The following HSD17B13 variants were observed in gnomAD, a reference collection of about 807,000 sequenced individuals.
The protein encoded by HSD17B13 is hydroxysteroid 17-beta dehydrogenase 13.
HSD17B13 carries 26 observed loss-of-function variants against 31.1 expected under a neutral mutation model. That is an observed-to-expected ratio of 0.84 (90% CI 0.61 to 1.16). The LOEUF (loss-of-function observed/expected upper bound fraction) is 1.16. HSD17B13 is among the 50% of genes most tolerant of loss of function. The pLI is 0.00. For missense variants in HSD17B13, 374 were observed against 366.5 expected, an observed-to-expected ratio of 1.02 and a Z score of -0.17; for synonymous variants, 141 against 133.7, an observed-to-expected ratio of 1.05 and a Z score of -0.38.
At chr4:87,320,578 G>A (rs1290694847) in intron 1 of HSD17B13, among the ~76,000 whole-genome samples, 1 of 151,826 alleles carries the variant, frequency 6.6e-6, no homozygotes. Context: ...TAGTAGAGAC[G>A]GGGTTTCACT....
chr4:87,317,648 A>C (rs573817340), intron 2 of HSD17B13, among the ~76,000 whole-genome samples: 3 of 117,506 alleles, frequency 2.6e-5, no homozygotes, highest in African/African-American at 1.0e-4. Context: ...GTCTCATGTG[A>C]TCCTTCCACC....
At position 87,305,194 on chromosome 4, in the gene HSD17B13, C is replaced by T. The variant is rs374740730; in HGVS notation, c.*24G>A. The T allele has an allele frequency of 2.3e-5, 34 of 1,447,738 alleles. No individual in the cohort carries two copies. Among genetic ancestry groups the T allele is most frequent in the Non-Finnish European group, 2.8e-5 (29 of 1,041,040 alleles). The allele number at this position is 1,447,738 out of a possible 1,614,324, so 89.7% of individuals were successfully genotyped here. On this transcript the variant is annotated 3_prime_UTR_variant, in exon 7 of 7. Transcript: ENST00000328546. ...ACTATTCATATCATTATCATGCATA[C>T]ATCTCTGGCTGGAGCTTATTTATTC...
chr4:87,318,523 G>A (rs1213789039), intron 1 of HSD17B13, 87 bp from the exon 2 acceptor site: 8 of 1,077,604 alleles, frequency 7.4e-6, no homozygotes, highest in Non-Finnish European at 1.1e-5. Context: ...CATTCGGCTA[G>A]GCGCGGTGGC....
chr4:87,304,290 A>C lies in HSD17B13; in HGVS notation c.*928T>G, dbSNP rs7685519. ...TACCACTGCACTCCAGCCTGGGCGA[A>C]AGAGTGAGACTCCATCTCAAAAAAA... On this transcript the variant is annotated 3_prime_UTR_variant, in exon 7 of 7. Coordinates refer to ENST00000328546, the MANE Select transcript of HSD17B13 (RefSeq NM_178135.5). 0.85 allele frequency: 130,667 copies of C among 152,958 alleles called. 56,260 individuals are homozygous for C. The highest frequency in any genetic ancestry group is 0.96 in the African/African-American group (39,778 of 41,492). The allele number at this position is 152,958 out of a possible 1,614,324, so 9.5% of individuals were successfully genotyped here. A position where few individuals can be genotyped will look rare whatever the true frequency, so the allele number is the denominator to read the frequency against.
intron 1 of HSD17B13, among the ~76,000 whole-genome samples, chr4:87,320,363 A>C (rs889513868): frequency 1.3e-5 from 2 of 151,534 alleles, no homozygotes; most frequent in Admixed American, 1.3e-4. Context: ...GTTTTGATTG[A>C]AGAATTAATT....
rs1734323718 is a variant in HSD17B13, at chr4:87,303,947, T to C, written c.*1271A>G. On this transcript the variant is annotated 3_prime_UTR_variant, in exon 7 of 7. Coordinates refer to ENST00000328546, the MANE Select transcript of HSD17B13 (RefSeq NM_178135.5). ...GGATAGTCCATGCAAAAGCATTCTA[T>C]AATACATGTGAAAAACACACAAAAC... is the stretch of plus-strand genomic sequence containing the variant. 6.6e-6 allele frequency: 1 copy of C among 151,962 alleles called. No individual in the cohort carries two copies. The highest frequency in any genetic ancestry group is 2.4e-5 in the African/African-American group (1 of 41,320). The allele number at this position is 151,962 out of a possible 1,614,324, so 9.4% of individuals were successfully genotyped here. A position where few individuals can be genotyped will look rare whatever the true frequency, so the allele number is the denominator to read the frequency against.
chr4:87,319,882 A>G (rs1560751184), intron 1 of HSD17B13, among the ~76,000 whole-genome samples: 2 of 152,272 alleles, frequency 1.3e-5, no homozygotes. Context: ...CATTCTGGAA[A>G]ATTATAATTC....
At chr4:87,310,506 C>A in intron 5 of HSD17B13, 147 bp from the exon 6 acceptor site, 1 of 925,752 alleles carries the variant, frequency 1.1e-6, no homozygotes, top group Non-Finnish European at 1.4e-6. Context: ...TAATGCCACC[C>A]TACCCACTTC....
intron 6 of HSD17B13, among the ~76,000 whole-genome samples, chr4:87,309,015 A>T (rs1734463470): frequency 6.6e-6 from 1 of 151,868 alleles, no homozygotes; most frequent in Admixed American, 6.6e-5. Flanking sequence ...AAATTACAAA[A>T]ATCCAATATA....
intron 6 of HSD17B13, among the ~76,000 whole-genome samples, chr4:87,308,184 T>C (rs1734434745): frequency 1.3e-5 from 2 of 152,218 alleles, no homozygotes; most frequent in African/African-American, 4.8e-5. Context: ...TACATTATTT[T>C]ATTCTTATGT....
chr4:87,305,176 A>C lies in HSD17B13; in HGVS notation c.*42T>G, dbSNP rs773478845. The C allele has an allele frequency of 8.0e-7, 1 of 1,243,970 alleles. No homozygotes were observed. The highest frequency in any genetic ancestry group is 1.2e-6 in the Non-Finnish European group (1 of 868,476). 77.1% of individuals were successfully genotyped at this position (1,243,970 alleles called of 1,614,324 possible). A position where few individuals can be genotyped will look rare whatever the true frequency, so the allele number is the denominator to read the frequency against. On this transcript the variant is annotated 3_prime_UTR_variant, in exon 7 of 7. Transcript: ENST00000328546. ...TTGCAGCATTGATTCGAAACTATTC[A>C]TATCATTATCATGCATACATCTCTG...
chr4:87,322,144 A>G (rs1490983283), intron 1 of HSD17B13, among the ~76,000 whole-genome samples: 1 of 152,214 alleles, frequency 6.6e-6, no homozygotes, highest in East Asian at 1.9e-4. Context: ...TACTTATTTA[A>G]TCCTTTTGAC....
At chr4:87,308,514 A>T (rs1419618298) in intron 6 of HSD17B13, among the ~76,000 whole-genome samples, 44 of 117,650 alleles carry the variant, frequency 3.7e-4, no homozygotes, top group African/African-American at 1.6e-3. Context: ...AAAAAAAAAA[A>T]AAAAAAAAAA....
At chr4:87,312,807 C>A (rs2110100378) in intron 5 of HSD17B13, among the ~76,000 whole-genome samples, 1 of 151,896 alleles carries the variant, frequency 6.6e-6, no homozygotes, top group South Asian at 2.1e-4. Context: ...CTCCTGTAAT[C>A]CCAGCATTTT....
chr4:87,319,614 C>G (rs1330174218), intron 1 of HSD17B13, among the ~76,000 whole-genome samples: 1 of 152,132 alleles, frequency 6.6e-6, no homozygotes, highest in East Asian at 1.9e-4. Context: ...TCTGACTCAT[C>G]CTCCTAGGAG....
At chr4:87,306,115 T>C (rs988729052) in intron 6 of HSD17B13, among the ~76,000 whole-genome samples, 1 of 152,206 alleles carries the variant, frequency 6.6e-6, no homozygotes, top group African/African-American at 2.4e-5. Flanking sequence ...AGGTCATCTT[T>C]GGTCATTTTA....
chr4:87,303,911 T>G lies in HSD17B13; in HGVS notation c.*1307A>C, dbSNP rs1214112968. 1 of 151,786 alleles carries G rather than the reference T, an allele frequency of 6.6e-6. No individual in the cohort carries two copies. Among genetic ancestry groups the G allele is most frequent in the Non-Finnish European group, 1.5e-5 (1 of 67,978 alleles). The allele number at this position is 151,786 out of a possible 1,614,324, so 9.4% of individuals were successfully genotyped here. Reference sequence around the variant, plus strand: ...TTTTAAAAAAATCATTTGTTTTTAATAAAAACAAGAGGATAGTCCATGCAA... The same window carrying G: ...TTTTAAAAAAATCATTTGTTTTTAAGAAAAACAAGAGGATAGTCCATGCAA... On this transcript the variant is annotated 3_prime_UTR_variant, in exon 7 of 7. Coordinates refer to ENST00000328546, the MANE Select transcript of HSD17B13 (RefSeq NM_178135.5).
At chr4:87,307,138 C>T (rs1342200940) in intron 6 of HSD17B13, among the ~76,000 whole-genome samples, 2 of 151,840 alleles carry the variant, frequency 1.3e-5, no homozygotes, top group Non-Finnish European at 2.9e-5. Context: ...TCATGTGGGC[C>T]TTTTAACTAC....
chr4:87,305,156 G>T lies in HSD17B13; in HGVS notation c.*62C>A. ...AAAAAATGTGAAATAAAGCTTTGCA[G>T]CATTGATTCGAAACTATTCATATCA... is the stretch of plus-strand genomic sequence containing the variant. On this transcript the variant is annotated 3_prime_UTR_variant, in exon 7 of 7. Coordinates refer to ENST00000328546, the MANE Select transcript of HSD17B13 (RefSeq NM_178135.5). 1.9e-6 allele frequency: 2 copies of T among 1,053,048 alleles called. No individual in the cohort carries two copies. The highest frequency in any genetic ancestry group is 2.6e-5 in the East Asian group (1 of 38,874). The allele number at this position is 1,053,048 out of a possible 1,614,324, so 65.2% of individuals were successfully genotyped here. A position where few individuals can be genotyped will look rare whatever the true frequency, so the allele number is the denominator to read the frequency against.
Sources: allele counts gnomAD v4.1 joint callset (sites outside exome capture counted in the v4.1 genomes callset), GRCh38; gene constraint gnomAD v4.1.1; transcripts MANE v1.5; gene names NCBI Gene and HGNC (gene_info 2026-07-23, HGNC 2026-07-21).